The following ANKRD42 variants were observed in gnomAD, a reference collection of about 807,000 sequenced individuals.
ANKRD42 encodes the protein ankyrin repeat domain 42, also known as ankyrin repeat domain-containing protein 42.
In ANKRD42, 43 loss-of-function variants were observed where a neutral mutation model predicts 51.5. The ratio of observed to expected loss-of-function variants is 0.83; its 90% CI spans 0.65 to 1.08. The LOEUF is 1.08. Ranked by LOEUF, ANKRD42 falls within the 50% of genes least tolerant of loss-of-function variation. The pLI is 0.00. For synonymous variants in ANKRD42, 203 were observed against 213.0 expected (o/e 0.95, Z 0.41); for missense variants, 608 against 629.3 (o/e 0.97, Z 0.36).
chr11:83,248,218 T>C lies in ANKRD42; in HGVS notation c.*14T>C. The C allele has an allele frequency of 6.8e-7, 1 of 1,477,546 alleles. No individual in the cohort carries two copies. Among genetic ancestry groups the C allele is most frequent in the Non-Finnish European group, 8.9e-7 (1 of 1,117,376 alleles). 91.5% of individuals were successfully genotyped at this position (1,477,546 alleles called of 1,614,324 possible). On this transcript the variant is annotated 3_prime_UTR_variant, in exon 11 of 11. Coordinates refer to ENST00000533342, the MANE Select transcript of ANKRD42 (RefSeq NM_001300975.2). Reference sequence around the variant, plus strand: ...AGTCTTTTTTGATTTGGGCTACTCATTTAACCTTTTTGTGCCTCAACTATA... The same window carrying C: ...AGTCTTTTTTGATTTGGGCTACTCACTTAACCTTTTTGTGCCTCAACTATA...
In ANKRD42 at chr11:83,198,623, C is replaced by T; in HGVS notation, c.203C>T (p.Ala68Val). 1 of 1,601,186 alleles carries T rather than the reference C, an allele frequency of 6.2e-7. No individual in the cohort carries two copies. Among genetic ancestry groups the T allele is most frequent in the Non-Finnish European group, 8.5e-7 (1 of 1,173,494 alleles). Residue 68 changes from alanine to valine, a missense_variant, in exon 2 of 11, where the codon GCA becomes GTA. Physicochemically the swap from Ala to Val is moderately conservative, Grantham distance 64. Coordinates refer to ENST00000533342, the MANE Select transcript of ANKRD42 (RefSeq NM_001300975.2). Reference protein sequence around the residue: ...LHKFTPLHWAAHSGSLECLHW... With the variant: ...LHKFTPLHWAVHSGSLECLHW... ...AAGTTTACCCCTTTACATTGGGCAG[C>T]ACATTCTGGAAGTTTGGAGGTAAGA...
At chr11:83,246,767 A>T (rs1863554209) in intron 10 of ANKRD42, among the ~76,000 whole-genome samples, 1 of 152,202 alleles carries the variant, frequency 6.6e-6, no homozygotes, top group Non-Finnish European at 1.5e-5. Flanking sequence ...TCAGAGTAAC[A>T]TCTAAATCTT....
chr11:83,248,225 T>C lies in ANKRD42; in HGVS notation c.*21T>C. 6.8e-7 allele frequency: 1 copy of C among 1,469,572 alleles called. No homozygotes were observed. Among genetic ancestry groups the C allele is most frequent in the Non-Finnish European group, 9.0e-7 (1 of 1,113,588 alleles). 91.0% of individuals were successfully genotyped at this position (1,469,572 alleles called of 1,614,324 possible). On this transcript the variant is annotated 3_prime_UTR_variant, in exon 11 of 11. Coordinates refer to ENST00000533342, the MANE Select transcript of ANKRD42 (RefSeq NM_001300975.2). ...TTTGATTTGGGCTACTCATTTAACCTTTTTGTGCCTCAACTATAAACTGGA... is the reference window on the plus strand; with the variant it reads ...TTTGATTTGGGCTACTCATTTAACCCTTTTGTGCCTCAACTATAAACTGGA...
rs1554998949 is a variant in ANKRD42 at position 83,242,568 on chromosome 11, T to TTTTTTTTTTTTTTTTTG, written c.1195+1650_1195+1651insGTTTTTTTTTTTTTTTT. Reference sequence around the variant, plus strand: ...GGGAATTCGGTGAATGGTAGTTAAGTTTTTTTTTTTTTTTTTTAGATGGAG... The same window carrying TTTTTTTTTTTTTTTTTG: ...GGGAATTCGGTGAATGGTAGTTAAGTTTTTTTTTTTTTTTTTGTTTTTTTTTTTTTTTTTAGATGGAG... On this transcript the variant is annotated intron_variant, in intron 9 of 10. Transcript: ENST00000533342. Among the ~76,000 whole-genome samples the TTTTTTTTTTTTTTTTTG allele has an allele frequency of 3.1e-3, 149 of 47,338 alleles. 5 individuals are homozygous for TTTTTTTTTTTTTTTTTG. Among genetic ancestry groups the TTTTTTTTTTTTTTTTTG allele is most frequent in the African/African-American group, 0.021 (139 of 6,762 alleles). The allele number at this position is 47,338 out of a possible 152,430, so 31.1% of individuals were successfully genotyped here.
chr11:83,237,403 A>G (rs547723090), intron 8 of ANKRD42, among the ~76,000 whole-genome samples: 2 of 152,316 alleles, frequency 1.3e-5, no homozygotes, highest in South Asian at 2.1e-4. Flanking sequence ...TGAGGAAGCA[A>G]CATTTCTGTT....
chr11:83,210,442 T>C (rs778262420), intron 4 of ANKRD42, 23 bp downstream of exon 4: 7 of 1,612,758 alleles, frequency 4.3e-6, no homozygotes, highest in Non-Finnish European at 5.1e-6. Flanking sequence ...TGTTAATATG[T>C]GCTAATGTGT....
Position 83,231,104 on chromosome 11 carries a change from CT to C in ANKRD42, c.913+3233del, listed in dbSNP as rs533720656. On this transcript the variant is annotated intron_variant, in intron 7 of 10. Coordinates refer to ENST00000533342, the MANE Select transcript of ANKRD42 (RefSeq NM_001300975.2). ...GTGGGATAGCTGGATTGTGTGGTAG[CT>C]CTATTTTTAGTTTTTTGAGGAACCT... Among the ~76,000 whole-genome samples the C allele has an allele frequency of 3.2e-4, 49 of 152,242 alleles. No homozygotes were observed. The East Asian group carries it at 3.9e-3, about 12-fold the overall frequency.
At chr11:83,195,541 A>G (rs1378222525) in intron 1 of ANKRD42, among the ~76,000 whole-genome samples, 1 of 152,140 alleles carries the variant, frequency 6.6e-6, no homozygotes, top group Non-Finnish European at 1.5e-5. Flanking sequence ...TTCCTTGGGT[A>G]CCTCAAGAGC....
At chr11:83,256,398 A>G (rs1204129448), downstream of ANKRD42, among the ~76,000 whole-genome samples, 1 of 152,198 alleles carries the variant, frequency 6.6e-6, no homozygotes, top group African/African-American at 2.4e-5. Context: ...TTAAGAATAT[A>G]GAGAAGAGGC....
chr11:83,240,655 T>C, intron 8 of ANKRD42, 104 bp from the exon 9 acceptor site: 3 of 1,269,600 alleles, frequency 2.4e-6, no homozygotes, highest in Admixed American at 2.6e-5. Flanking sequence ...GTGAGTGGAT[T>C]GATGGCAGGG....
In ANKRD42 at chr11:83,248,382, A is replaced by G. The variant is rs983404436; in HGVS notation, c.*178A>G. The stretch of plus-strand genomic sequence containing the variant: ...TCTAGATACATACACACATCTGTCT[A>G]TCTATCTTCAAACAGCAGCCTAGTT... On this transcript the variant is annotated 3_prime_UTR_variant, in exon 11 of 11. Coordinates refer to ENST00000533342, the MANE Select transcript of ANKRD42 (RefSeq NM_001300975.2). 60 of 1,210,828 alleles carry G rather than the reference A, an allele frequency of 5.0e-5. 1 individual carries two copies. Among genetic ancestry groups the G allele is most frequent in the East Asian group, 4.7e-4 (16 of 34,146 alleles). 75.0% of individuals were successfully genotyped at this position (1,210,828 alleles called of 1,614,324 possible). A position where few individuals can be genotyped will look rare whatever the true frequency, so the allele number is the denominator to read the frequency against.
At chr11:83,228,213 A>G (rs1201296971) in intron 7 of ANKRD42, among the ~76,000 whole-genome samples, 5 of 147,538 alleles carry the variant, frequency 3.4e-5, no homozygotes, top group East Asian at 2.0e-4. Context: ...CTAAAATAGA[A>G]ATCATCCCTC....
chr11:83,202,592 G>A (rs1861913804), intron 2 of ANKRD42, among the ~76,000 whole-genome samples: 1 of 152,170 alleles, frequency 6.6e-6, no homozygotes, highest in Non-Finnish European at 1.5e-5. Flanking sequence ...GTATGCACAT[G>A]CTGTTTCATC....
chr11:83,261,482 A>G (rs989108596), downstream of ANKRD42: 1 of 152,794 alleles, frequency 6.5e-6, no homozygotes, highest in African/African-American at 2.4e-5. Flanking sequence ...TTCATTTTAT[A>G]GAAAAATGTA....
chr11:83,239,440 G>A (rs116843796), intron 8 of ANKRD42, among the ~76,000 whole-genome samples: 2,922 of 152,084 alleles, frequency 0.019, 113 homozygotes, highest in East Asian at 0.18. Context: ...TATGTATTAT[G>A]ATTTTGGTGT....
Position 83,240,811 on chromosome 11 carries a change from A to G in ANKRD42, c.1072A>G (p.Ile358Val), listed in dbSNP as rs1863362661. The stretch of plus-strand genomic sequence containing the variant: ...GTTAGAGGAGCTACAGAAATATGAT[A>G]TAGATGACGAAAATGAAATTGATGA... Reference protein sequence around the residue: ...KLLEELQKYDIDDENEIDEND... With the variant: ...KLLEELQKYDVDDENEIDEND... The change falls in exon 9 of 11, where the codon ATA (isoleucine) becomes GTA (valine). Residue 358 changes from isoleucine to valine, a missense_variant. Coordinates refer to ENST00000533342, the MANE Select transcript of ANKRD42 (RefSeq NM_001300975.2). The G allele has an allele frequency of 2.5e-6, 4 of 1,614,148 alleles. No homozygotes were observed. Among genetic ancestry groups the G allele is most frequent in the Non-Finnish European group, 2.5e-6 (3 of 1,179,990 alleles).
At chr11:83,198,331 CTGTT>C (rs1402578846) in intron 1 of ANKRD42, 144 bp from the exon 2 acceptor site, 1 of 736,008 alleles carries the variant, frequency 1.4e-6, no homozygotes, top group Middle Eastern at 3.9e-4. Context: ...AACCAGAAGT[CTGTT>C]TAAGATATTA....
Position 83,197,081 on chromosome 11 carries a change from G to A in ANKRD42, c.59-1398G>A, listed in dbSNP as rs571801999. Among the ~76,000 whole-genome samples the A allele has an allele frequency of 1.1e-4, 17 of 151,858 alleles. No individual in the cohort carries two copies. The South Asian group carries it at 3.1e-3, about 28-fold the overall frequency. On this transcript the variant is annotated intron_variant, in intron 1 of 10. Coordinates refer to ENST00000533342, the MANE Select transcript of ANKRD42 (RefSeq NM_001300975.2). ...TAACATCACTGAACGTTTATTAAAG[G>A]TGTGTGTGTGTGTATGTGTACATGT...
intron 9 of ANKRD42, 58 bp from the exon 10 acceptor site, chr11:83,245,440 A>T (rs1018976254): frequency 4.7e-6 from 7 of 1,505,204 alleles, no homozygotes; most frequent in Admixed American, 4.2e-5. Flanking sequence ...ACCAGCACCC[A>T]GTGGACACAT....
Sources: gnomAD v4.1 joint callset for allele counts (sites outside exome capture counted in the v4.1 genomes callset) on GRCh38, gnomAD v4.1.1 for gene constraint, MANE v1.5 for transcripts, NCBI Gene and HGNC (gene_info 2026-07-23, HGNC 2026-07-21) for gene names.